ST6GALNAC3: variants seen among roughly 807,000 people sequenced by gnomAD.
ST6GALNAC3 encodes ST6 N-acetylgalactosaminide alpha-2,6-sialyltransferase 3, also known as alpha-N-acetylgalactosaminide alpha-2,6-sialyltransferase 3.
Under a neutral mutation model 32.7 loss-of-function variants are expected in ST6GALNAC3, and 25 were observed. The observed-to-expected ratio is 0.76, with a 90% CI of 0.56 to 1.07. The LOEUF is 1.07. Ranked by LOEUF, ST6GALNAC3 falls within the 50% of genes least tolerant of loss-of-function variation. The probability of loss-of-function intolerance (pLI) is 0.00; values close to 1 mark genes in which losing one functional copy is unlikely to be tolerated. For synonymous variants in ST6GALNAC3, 129 were observed against 133.1 expected, an observed-to-expected ratio of 0.97 and a Z score of 0.21; for missense variants, 355 against 382.4, an observed-to-expected ratio of 0.93 and a Z score of 0.60.
chr1:76,589,115 T>C (rs1048993571), intron 3 of ST6GALNAC3, among the ~76,000 whole-genome samples: 6 of 152,188 alleles, frequency 3.9e-5, no homozygotes, highest in African/African-American at 1.4e-4. Context: ...CAGCTATGTC[T>C]CTGTGCGGCT....
intron 3 of ST6GALNAC3, among the ~76,000 whole-genome samples, chr1:76,568,423 C>T (rs1665678045): frequency 6.6e-6 from 1 of 152,290 alleles, no homozygotes. Context: ...TGTTCCCAAG[C>T]CCTCTTCCAT....
chr1:76,131,553 G>A (rs1044862943), intron 1 of ST6GALNAC3, among the ~76,000 whole-genome samples: 4 of 152,162 alleles, frequency 2.6e-5, no homozygotes, highest in African/African-American at 9.7e-5. Context: ...TCAGAAAAAC[G>A]GGATGATCGC....
At chr1:76,328,777 T>C (rs1180687128) in intron 2 of ST6GALNAC3, among the ~76,000 whole-genome samples, 1 of 152,168 alleles carries the variant, frequency 6.6e-6, no homozygotes, top group Non-Finnish European at 1.5e-5. Flanking sequence ...ATACTGAGGA[T>C]AAAAATGAGG....
At chr1:76,391,938 C>A (rs73006118) in intron 2 of ST6GALNAC3, among the ~76,000 whole-genome samples, 12,548 of 152,186 alleles carry the variant, frequency 0.082, 1,337 homozygotes, top group African/African-American at 0.25. Context: ...AGCTTATTTT[C>A]ATTAGGCCTG....
chr1:76,323,197 T>G (rs1647002423), intron 2 of ST6GALNAC3, among the ~76,000 whole-genome samples: 1 of 148,700 alleles, frequency 6.7e-6, no homozygotes, highest in Admixed American at 6.6e-5. Context: ...ACTATAAAAA[T>G]GATTAAGAAT....
At chr1:76,603,248 TAGTACAGGTGTGTGAATGTTTAC>T (rs1647315567) in intron 3 of ST6GALNAC3, among the ~76,000 whole-genome samples, 1 of 152,156 alleles carries the variant, frequency 6.6e-6, no homozygotes, top group Admixed American at 6.6e-5. Flanking sequence ...AGAGAAGCAC[TAGTACAGGTGTGTGAATGTTTAC>T]AGAGGTAATG....
chr1:76,307,575 A>G (rs1661137066), intron 1 of ST6GALNAC3, among the ~76,000 whole-genome samples: 3 of 152,284 alleles, frequency 2.0e-5, no homozygotes, highest in South Asian at 2.1e-4. Context: ...AATATTTATT[A>G]TTGAATAAAT....
intron 3 of ST6GALNAC3, among the ~76,000 whole-genome samples, chr1:76,471,103 T>A (rs576510773): frequency 6.6e-6 from 1 of 151,972 alleles, no homozygotes; most frequent in East Asian, 1.9e-4. Flanking sequence ...ATTAAAATAT[T>A]AACTCCTTGG....
intron 3 of ST6GALNAC3, among the ~76,000 whole-genome samples, chr1:76,432,841 A>G (rs1655862088): frequency 1.3e-5 from 2 of 152,054 alleles, no homozygotes; most frequent in East Asian, 3.9e-4. Context: ...TTTTTCCTTC[A>G]TTTGTACCAT....
chr1:76,431,886 A>G (rs570276316), intron 3 of ST6GALNAC3, among the ~76,000 whole-genome samples: 1 of 152,252 alleles, frequency 6.6e-6, no homozygotes, highest in South Asian at 2.1e-4. Flanking sequence ...GGCATTGTAC[A>G]TACATTCTAT....
At chr1:76,098,996 A>G (rs1214379454) in intron 1 of ST6GALNAC3, among the ~76,000 whole-genome samples, 2 of 152,046 alleles carry the variant, frequency 1.3e-5, no homozygotes, top group East Asian at 1.9e-4. Flanking sequence ...ATGGTATCCA[A>G]TTTTCCTGGC....
At chr1:76,391,552 C>A (rs926400291) in intron 2 of ST6GALNAC3, among the ~76,000 whole-genome samples, 1 of 150,004 alleles carries the variant, frequency 6.7e-6, no homozygotes, top group Non-Finnish European at 1.5e-5. Flanking sequence ...TCCTTCCTTC[C>A]TTCCTTCCTT....
intron 3 of ST6GALNAC3, among the ~76,000 whole-genome samples, chr1:76,597,315 G>T (rs1647152938): frequency 6.6e-6 from 1 of 152,068 alleles, no homozygotes; most frequent in Non-Finnish European, 1.5e-5. Context: ...GTCGCTTGCT[G>T]GGTCCTGGTA....
chr1:76,570,649 A>C (rs1336702137), intron 3 of ST6GALNAC3, among the ~76,000 whole-genome samples: 2 of 152,078 alleles, frequency 1.3e-5, no homozygotes, highest in Non-Finnish European at 2.9e-5. Context: ...TATGTTGCTA[A>C]GGCTTATGCG....
chr1:76,450,531 A>G (rs1469073791), intron 3 of ST6GALNAC3, among the ~76,000 whole-genome samples: 2 of 151,594 alleles, frequency 1.3e-5, no homozygotes, highest in Non-Finnish European at 2.9e-5. Flanking sequence ...CTGTTTACTG[A>G]TTGTTACTTT....
chr1:76,615,734 T>A (rs760622113), intron 3 of ST6GALNAC3, among the ~76,000 whole-genome samples: 18 of 152,214 alleles, frequency 1.2e-4, no homozygotes, highest in Non-Finnish European at 2.1e-4. Flanking sequence ...CTACTGTTTA[T>A]TTTTCCCTGG....
At chr1:76,295,734 T>C (rs1360993858) in intron 1 of ST6GALNAC3, among the ~76,000 whole-genome samples, 3 of 152,174 alleles carry the variant, frequency 2.0e-5, no homozygotes, top group East Asian at 1.9e-4. Flanking sequence ...ACTTACATAC[T>C]GAACTGGAAA....
At chr1:76,435,692 T>C (rs1043042534) in intron 3 of ST6GALNAC3, among the ~76,000 whole-genome samples, 12 of 152,114 alleles carry the variant, frequency 7.9e-5, no homozygotes, top group African/African-American at 2.2e-4. Context: ...AAAAAGTAGT[T>C]TTCATAGGAT....
chr1:76,457,615 G>C (rs370000677), intron 3 of ST6GALNAC3, among the ~76,000 whole-genome samples: 1 of 151,782 alleles, frequency 6.6e-6, no homozygotes. Context: ...ACAAACCTGA[G>C]AAAAACAAGC....
Sources: gnomAD v4.1 joint callset for allele counts (sites outside exome capture counted in the v4.1 genomes callset) on GRCh38, gnomAD v4.1.1 for gene constraint, MANE v1.5 for transcripts, NCBI Gene and HGNC (gene_info 2026-07-23, HGNC 2026-07-21) for gene names.